Variants in AKAP13 observed in about 807,000 individuals in gnomAD.
AKAP13 encodes A-kinase anchoring protein 13.
Under a neutral mutation model 264.5 loss-of-function variants are expected in AKAP13, and 80 were observed. That is an observed-to-expected ratio of 0.30 (90% CI 0.25 to 0.36). The LOEUF is 0.36. Among genes scored for constraint, AKAP13 ranks in the 10% least tolerant of loss-of-function variants. AKAP13 has a pLI of 1.00. For missense variants in AKAP13, 3,712 were observed against 3,435.2 expected (o/e 1.08, Z -2.01); for synonymous variants, 1,380 against 1,250.2 (o/e 1.10, Z -2.19).
At chr15:85,418,271 G>A (rs2072340345) in intron 1 of AKAP13, among the ~76,000 whole-genome samples, 1 of 152,030 alleles carries the variant, frequency 6.6e-6, no homozygotes, top group Non-Finnish European at 1.5e-5. Flanking sequence ...TGTATAGACA[G>A]GGTCTCACTT....
At chr15:85,543,181 CAAAT>C (rs996268932) in intron 4 of AKAP13, among the ~76,000 whole-genome samples, 5 of 152,194 alleles carry the variant, frequency 3.3e-5, no homozygotes, top group African/African-American at 1.2e-4. Flanking sequence ...TCTCATTAAA[CAAAT>C]AAATAAAGCT....
At chr15:85,521,773 G>T (rs1338834520) in intron 3 of AKAP13, among the ~76,000 whole-genome samples, 198 bp downstream of exon 3, 1 of 152,176 alleles carries the variant, frequency 6.6e-6, no homozygotes, top group African/African-American at 2.4e-5. Flanking sequence ...GCCATTTTAT[G>T]TATATTACTG....
intron 12 of AKAP13, among the ~76,000 whole-genome samples, chr15:85,660,107 C>A (rs1430410460): frequency 6.6e-6 from 1 of 152,074 alleles, no homozygotes; most frequent in African/African-American, 2.4e-5. Flanking sequence ...AATCCCAGCA[C>A]TTTGGGAGGC....
At chr15:85,457,246 C>CT (rs199666042) in intron 1 of AKAP13, among the ~76,000 whole-genome samples, 11 of 150,908 alleles carry the variant, frequency 7.3e-5, no homozygotes, top group African/African-American at 1.5e-4. Context: ...GTGAGTGCTG[C>CT]TTTTTTTTGG....
intron 34 of AKAP13, among the ~76,000 whole-genome samples, chr15:85,740,743 ACC>A (rs2088897707): frequency 1.8e-5 from 2 of 108,438 alleles, no homozygotes; most frequent in African/African-American, 4.0e-5. Context: ...CACACAACCC[ACC>A]CACCCACACA....
intron 1 of AKAP13, among the ~76,000 whole-genome samples, chr15:85,474,909 C>T (rs974725565): frequency 2.0e-5 from 3 of 152,098 alleles, no homozygotes; most frequent in Admixed American, 6.5e-5. Context: ...GTGACTCGTT[C>T]GATAGTCACA....
rs1471261191 is a variant in AKAP13, at chr15:85,655,711, T to G, written c.4669T>G (p.Ser1557Ala). The change falls in exon 11 of 37, where the codon TCT (serine) becomes GCT (alanine). Residue 1557 changes from serine to alanine, a missense_variant. Ser to Ala is a moderately conservative substitution (Grantham distance 99). Around this residue, in one of 3 missense-constraint regions of AKAP13, gnomAD observed 2,759 missense variants for 2,411.7 expected, o/e 1.14. Transcript: ENST00000394518. ...CTCTGTCCTAAGGAGCTCCATGCGC[T>G]CTCTTTCTCCCTTCCGGAGGCACAG... ...NCSVLRSSMRSLSPFRRHSWG... is the reference protein window; with the variant it reads ...NCSVLRSSMRALSPFRRHSWG... 1 of 1,613,950 alleles carries G rather than the reference T, an allele frequency of 6.2e-7. No homozygotes were observed. Among genetic ancestry groups the G allele is most frequent in the Non-Finnish European group, 8.5e-7 (1 of 1,179,974 alleles).
chr15:85,398,326 T>A (rs1398666595), intron 1 of AKAP13, among the ~76,000 whole-genome samples: 1 of 152,186 alleles, frequency 6.6e-6, no homozygotes, highest in Non-Finnish European at 1.5e-5. Flanking sequence ...AATGTACAGT[T>A]CCTCTAGAAA....
chr15:85,404,191 T>G (rs1400103327), intron 1 of AKAP13, among the ~76,000 whole-genome samples: 1 of 152,258 alleles, frequency 6.6e-6, no homozygotes, highest in Non-Finnish European at 1.5e-5. Flanking sequence ...TTACCTCAGA[T>G]GCAGATAAGG....
intron 33 of AKAP13, among the ~76,000 whole-genome samples, chr15:85,739,008 T>G (rs1255267615): frequency 6.6e-6 from 1 of 152,252 alleles, no homozygotes; most frequent in Admixed American, 6.5e-5. Flanking sequence ...TAATATGCAT[T>G]AAAAACATTT....
At chr15:85,527,164 C>T (rs551723699) in intron 3 of AKAP13, among the ~76,000 whole-genome samples, 30 of 152,180 alleles carry the variant, frequency 2.0e-4, no homozygotes, top group Middle Eastern at 3.4e-3. Flanking sequence ...GGGGTTTCAC[C>T]GTGTTAGCCA....
chr15:85,475,891 A>G (rs2075145545), intron 1 of AKAP13, among the ~76,000 whole-genome samples: 1 of 152,162 alleles, frequency 6.6e-6, no homozygotes, highest in Non-Finnish European at 1.5e-5. Flanking sequence ...TCTAGCATTC[A>G]TTGGGGGCTC....
rs113339388 is a variant in AKAP13, at chr15:85,707,140, G to A, written c.5465-879G>A. ...GCCCTTCCCATGAGAGTGTCTCCTC[G>A]AGTGTCCCCACAGGCCGATCTTTCA... is the stretch of plus-strand genomic sequence containing the variant. On this transcript the variant is annotated intron_variant, in intron 17 of 36. Coordinates refer to ENST00000394518, the MANE Select transcript of AKAP13 (RefSeq NM_007200.5). Among the ~76,000 whole-genome samples, 434 of 152,214 alleles carry A rather than the reference G, an allele frequency of 2.9e-3. 1 individual carries two copies. Among genetic ancestry groups the A allele is most frequent in the African/African-American group, 0.01 (420 of 41,524 alleles).
chr15:85,424,811 C>T (rs2150908533), intron 1 of AKAP13, among the ~76,000 whole-genome samples: 1 of 152,254 alleles, frequency 6.6e-6, no homozygotes, highest in South Asian at 2.1e-4. Flanking sequence ...CACTTGAACA[C>T]TTAGAAGCCA....
chr15:85,569,752 A>G (rs1197451981), intron 5 of AKAP13, among the ~76,000 whole-genome samples: 1 of 152,062 alleles, frequency 6.6e-6, no homozygotes, highest in African/African-American at 2.4e-5. Context: ...ACATTTTTAA[A>G]TTCTGCAAAA....
intron 8 of AKAP13, among the ~76,000 whole-genome samples, chr15:85,635,741 G>A (rs935573440): frequency 6.6e-6 from 1 of 152,134 alleles, no homozygotes; most frequent in African/African-American, 2.4e-5. Flanking sequence ...AGGTGGTAAG[G>A]TTTGGGGTAA....
intron 1 of AKAP13, among the ~76,000 whole-genome samples, chr15:85,458,393 G>GTTTTTTTTT (rs4037636): frequency 2.8e-4 from 34 of 120,616 alleles, no homozygotes; most frequent in East Asian, 9.1e-4. Context: ...TTTGTTTTTT[G>GTTTTTTTTT]TTTTTTTTTT....
At position 85,575,202 on chromosome 15, in the gene AKAP13, G is replaced by C. The variant is rs765007161; in HGVS notation, c.734G>C (p.Arg245Thr). The C allele has an allele frequency of 3.1e-6, 5 of 1,614,100 alleles. No homozygotes were observed. In the East Asian group the frequency reaches 1.1e-4, roughly 36 times the overall value. ...YEIPYGDCSVRHHRELDIYTL... is the reference protein window; with the variant it reads ...YEIPYGDCSVTHHRELDIYTL... ...ATACCGTATGGAGACTGTTCTGTGA[G>C]GCATCATCGAGAGTTGGACATCTAT... is the stretch of plus-strand genomic sequence containing the variant. The change falls in exon 6 of 37, where the codon AGG becomes ACG. Residue 245 changes from arginine to threonine, a missense_variant. Arg to Thr is a moderately conservative substitution (Grantham distance 71). This residue lies in a region of AKAP13 where 2,759 missense variants were observed against 2,411.7 expected (regional missense o/e 1.14). Transcript: ENST00000394518.
At chr15:85,400,215 C>T (rs1416301991) in intron 1 of AKAP13, among the ~76,000 whole-genome samples, 1 of 152,122 alleles carries the variant, frequency 6.6e-6, no homozygotes, top group Non-Finnish European at 1.5e-5. Context: ...CAGGACCAGC[C>T]TGGGCAACAT....
Sources: gnomAD v4.1 joint callset for allele counts (sites outside exome capture counted in the v4.1 genomes callset) on GRCh38, gnomAD v4.1.1 for gene constraint, gnomAD v4.1.1 regional missense constraint, MANE v1.5 for transcripts, NCBI Gene and HGNC (gene_info 2026-07-23, HGNC 2026-07-21) for gene names.